The following MAF variants were observed in gnomAD, a reference collection of about 807,000 sequenced individuals.
The protein encoded by MAF is transcription factor Maf.
Under a neutral mutation model 22.0 loss-of-function variants are expected in MAF, and 10 were observed. The ratio of observed to expected loss-of-function variants is 0.45; its 90% CI spans 0.28 to 0.77. MAF has a LOEUF of 0.77. Among genes scored for constraint, MAF ranks in the 30% least tolerant of loss-of-function variants. The pLI is 0.12. For missense variants in MAF, 544 were observed against 548.4 expected, an observed-to-expected ratio of 0.99 and a Z score of 0.08; for synonymous variants, 337 against 255.8, an observed-to-expected ratio of 1.32 and a Z score of -3.03.
chr16:79,578,728 T>G, the MAF span, among the ~76,000 whole-genome samples: 2 of 152,338 alleles, frequency 1.3e-5, no homozygotes, highest in South Asian at 2.1e-4. Flanking sequence ...AAATTTCACT[T>G]GCTATTAATC....
the MAF span, among the ~76,000 whole-genome samples, chr16:79,401,088 C>A: frequency 1.3e-5 from 2 of 152,294 alleles, no homozygotes; most frequent in Admixed American, 1.3e-4. Flanking sequence ...GGGCTTTGAA[C>A]CTTGCCCCTC....
the MAF span, among the ~76,000 whole-genome samples, chr16:79,536,349 G>C: frequency 6.6e-6 from 1 of 152,168 alleles, no homozygotes; most frequent in African/African-American, 2.4e-5. Context: ...TGAAAATATT[G>C]AGAAAAATTA....
chr16:79,593,026 C>G (rs1164613803), downstream of MAF, among the ~76,000 whole-genome samples: 1 of 152,062 alleles, frequency 6.6e-6, no homozygotes, highest in Non-Finnish European at 1.5e-5. Context: ...CTCATGTACT[C>G]CTGTATTTTA....
chr16:79,403,917 A>G, the MAF span, among the ~76,000 whole-genome samples: 5 of 152,114 alleles, frequency 3.3e-5, no homozygotes, highest in East Asian at 1.9e-4. Flanking sequence ...TCTTCCTTCC[A>G]TGGTGCTTCT....
At chr16:79,300,064 T>G in the MAF span, among the ~76,000 whole-genome samples, 6 of 152,170 alleles carry the variant, frequency 3.9e-5, no homozygotes, top group African/African-American at 1.4e-4. Context: ...CCAGGATAGC[T>G]CATGGCTAAA....
chr16:79,466,930 G>T, the MAF span, among the ~76,000 whole-genome samples: 8 of 152,324 alleles, frequency 5.3e-5, no homozygotes, highest in African/African-American at 1.7e-4. Flanking sequence ...GGAGGAATCA[G>T]GTTTCCAGAG....
the MAF span, among the ~76,000 whole-genome samples, chr16:79,319,397 A>G: frequency 6.6e-6 from 1 of 152,242 alleles, no homozygotes; most frequent in Admixed American, 6.5e-5. Flanking sequence ...TAAAAAATGT[A>G]CATATAGTGC....
At chr16:79,597,952 CA>C in intron 1 of MAF, 35 of 1,043,182 alleles carry the variant, frequency 3.4e-5, no homozygotes, top group Non-Finnish European at 4.0e-5. Flanking sequence ...TTTGGCATCA[CA>C]AGGCCAAAAC....
chr16:79,467,566 G>A, the MAF span, among the ~76,000 whole-genome samples: 1 of 152,190 alleles, frequency 6.6e-6, no homozygotes, highest in Non-Finnish European at 1.5e-5. Flanking sequence ...TCCAGAGCTC[G>A]TGCCCTTAAC....
the MAF span, among the ~76,000 whole-genome samples, chr16:79,576,418 T>G: frequency 6.6e-6 from 1 of 152,116 alleles, no homozygotes; most frequent in Non-Finnish European, 1.5e-5. Context: ...TCATGCATGT[T>G]AGTATACAAA....
chr16:79,382,889 T>G, the MAF span, among the ~76,000 whole-genome samples: 1 of 152,214 alleles, frequency 6.6e-6, no homozygotes, highest in South Asian at 2.1e-4. Flanking sequence ...TGGGAACACT[T>G]TGCAAAGTAG....
At chr16:79,440,510 A>C in the MAF span, among the ~76,000 whole-genome samples, 89 of 152,232 alleles carry the variant, frequency 5.8e-4, no homozygotes, top group African/African-American at 1.7e-3. Flanking sequence ...ATCTTGGCTC[A>C]TTACAACCTC....
At position 79,594,238 on chromosome 16, in the gene MAF, A is replaced by G; in HGVS notation, c.*222T>C. 1 of 541,018 alleles carries G rather than the reference A, an allele frequency of 1.8e-6. No individual in the cohort carries two copies. Among genetic ancestry groups the G allele is most frequent in the Non-Finnish European group, 3.3e-6 (1 of 303,408 alleles). 33.5% of individuals were successfully genotyped at this position (541,018 alleles called of 1,614,324 possible). On this transcript the variant is annotated 3_prime_UTR_variant, in exon 2 of 2. Transcript: ENST00000326043. ...AAGCAATGCACCTGTTTACTTGCAC[A>G]CACCATAAATCGAAAAGCAGGAGTG...
chr16:79,433,522 G>A, the MAF span, among the ~76,000 whole-genome samples: 2 of 151,884 alleles, frequency 1.3e-5, no homozygotes, highest in East Asian at 1.9e-4. Context: ...CATAATGGAA[G>A]TGATGCTTTT....
downstream of MAF, among the ~76,000 whole-genome samples, chr16:79,592,906 G>T (rs1490667508): frequency 2.0e-5 from 3 of 152,140 alleles, no homozygotes; most frequent in East Asian, 5.8e-4. Context: ...AAGTGAAGCT[G>T]GTAAATCTCA....
the MAF span, among the ~76,000 whole-genome samples, chr16:79,326,536 A>G: frequency 1.3e-5 from 2 of 152,214 alleles, no homozygotes; most frequent in Non-Finnish European, 2.9e-5. Context: ...TAAATTTTCT[A>G]CACCCTAAAT....
the MAF span, among the ~76,000 whole-genome samples, chr16:79,557,952 G>T: frequency 3.3e-5 from 5 of 151,880 alleles, no homozygotes; most frequent in Non-Finnish European, 7.4e-5. Flanking sequence ...AGGCCTGATG[G>T]GTGCTTCAGG....
the MAF span, among the ~76,000 whole-genome samples, chr16:79,528,207 C>A: frequency 6.6e-6 from 1 of 152,188 alleles, no homozygotes; most frequent in Non-Finnish European, 1.5e-5. Context: ...ATTCCAAGAG[C>A]TTCTTCTGCC....
chr16:79,466,100 T>C, the MAF span, among the ~76,000 whole-genome samples: 1 of 152,170 alleles, frequency 6.6e-6, no homozygotes, highest in Non-Finnish European at 1.5e-5. Context: ...TTTTTCTCGC[T>C]TTTAGGGATC....
Sources: allele counts gnomAD v4.1 joint callset (sites outside exome capture counted in the v4.1 genomes callset), GRCh38; gene constraint gnomAD v4.1.1; transcripts MANE v1.5; gene names NCBI Gene and HGNC (gene_info 2026-07-23, HGNC 2026-07-21).